SCN11A: variants seen among roughly 807,000 people sequenced by gnomAD.
SCN11A encodes the protein sodium voltage-gated channel alpha subunit 11, also known as sodium channel protein type 11 subunit alpha.
Under a neutral mutation model 162.2 loss-of-function variants are expected in SCN11A, and 122 were observed. The ratio of observed to expected loss-of-function variants is 0.75; its 90% CI spans 0.65 to 0.87. SCN11A has a LOEUF of 0.87. SCN11A is among the 40% of genes least tolerant of loss of function. The pLI is 0.00. For synonymous variants in SCN11A, 758 were observed against 751.5 expected (o/e 1.01, Z -0.14); for missense variants, 2,015 against 2,181.6 (o/e 0.92, Z 1.52).
chr3:38,872,153 C>T, intron 24 of SCN11A, 40 bp downstream of exon 24: 1 of 1,174,876 alleles, frequency 8.5e-7, no homozygotes, highest in Non-Finnish European at 1.3e-6. Context: ...CCACCTTTCT[C>T]TGTTAACTGA....
chr3:38,965,525 T>C (rs989750448), intron 2 of SCN11A, among the ~76,000 whole-genome samples: 5 of 152,120 alleles, frequency 3.3e-5, no homozygotes, highest in African/African-American at 9.7e-5. Context: ...TGGTAAGCTG[T>C]CCCTATCCTG....
chr3:38,871,837 T>C (rs1465431705), intron 24 of SCN11A, 129 bp from the exon 25 acceptor site: 2 of 754,266 alleles, frequency 2.7e-6, no homozygotes, highest in Non-Finnish European at 4.3e-6. Context: ...TCCACATACA[T>C]GTGCCCCATC....
At chr3:38,909,428 T>C (rs1473483488) in intron 12 of SCN11A, among the ~76,000 whole-genome samples, 1 of 152,152 alleles carries the variant, frequency 6.6e-6, no homozygotes, top group Non-Finnish European at 1.5e-5. Context: ...GACTTTACTA[T>C]CTATAACTCT....
At chr3:38,965,692 T>C (rs943136868) in intron 2 of SCN11A, among the ~76,000 whole-genome samples, 9 of 152,210 alleles carry the variant, frequency 5.9e-5, no homozygotes, top group Admixed American at 3.9e-4. Flanking sequence ...CTGTGAAGCC[T>C]TTCTTTTTCT....
intron 1 of SCN11A, among the ~76,000 whole-genome samples, chr3:39,040,343 T>C (rs2032018126): frequency 6.6e-6 from 1 of 152,186 alleles, no homozygotes; most frequent in African/African-American, 2.4e-5. Flanking sequence ...AAGCACCTTA[T>C]GCAATCAACA....
chr3:39,036,376 C>T (rs1050947528), intron 1 of SCN11A, among the ~76,000 whole-genome samples: 1 of 151,890 alleles, frequency 6.6e-6, no homozygotes, highest in African/African-American at 2.4e-5. Flanking sequence ...AACTCCTGGC[C>T]TCAAGTGATC....
intron 2 of SCN11A, among the ~76,000 whole-genome samples, chr3:38,982,742 G>A (rs1575346437): frequency 6.6e-6 from 1 of 152,150 alleles, no homozygotes; most frequent in South Asian, 2.1e-4. Flanking sequence ...CTCAAGGATG[G>A]GGTGGGGGTC....
chr3:39,048,316 T>C (rs1392328484), intron 1 of SCN11A, among the ~76,000 whole-genome samples: 6 of 152,130 alleles, frequency 3.9e-5, no homozygotes, highest in Admixed American at 1.3e-4. Flanking sequence ...GAGAAATAAG[T>C]TGATCTCAGA....
intron 2 of SCN11A, among the ~76,000 whole-genome samples, chr3:39,010,264 T>C (rs1231396484): frequency 6.6e-6 from 1 of 151,942 alleles, no homozygotes; most frequent in Non-Finnish European, 1.5e-5. Context: ...AAGAGGGAGA[T>C]GGCATTTTCC....
In SCN11A at chr3:38,928,047, C is replaced by T. The variant is rs572009511; in HGVS notation, c.489-1116G>A. On this transcript the variant is annotated intron_variant, in intron 7 of 29. Coordinates refer to ENST00000302328, the MANE Select transcript of SCN11A (RefSeq NM_001349253.2). Reference sequence around the variant, plus strand: ...GACTATGGAATAGTCTTGGCAATGTCCTTGGAAAAAGGACAGTCTTTTCAA... The same window carrying T: ...GACTATGGAATAGTCTTGGCAATGTTCTTGGAAAAAGGACAGTCTTTTCAA... Among the ~76,000 whole-genome samples the T allele has an allele frequency of 3.8e-4, 58 of 152,162 alleles. 2 individuals carry two copies. In the South Asian group the frequency reaches 0.012, roughly 31 times the overall value.
At chr3:38,981,537 T>TTG (rs10578149) in intron 2 of SCN11A, among the ~76,000 whole-genome samples, 19,525 of 145,814 alleles carry the variant, frequency 0.13, 1,308 homozygotes, top group East Asian at 0.2. Context: ...GTGTGTGTGT[T>TTG]TGTGTGTGTG....
chr3:38,926,696 C>T (rs566337045), intron 8 of SCN11A, 107 bp downstream of exon 8: 93 of 1,150,878 alleles, frequency 8.1e-5, no homozygotes, highest in Non-Finnish European at 1.1e-4. Context: ...CTAGGCATTA[C>T]TAGGCCATAC....
At position 38,921,154 on chromosome 3, in the gene SCN11A, GA is replaced by G; in HGVS notation, c.813del (p.Gln272SerfsTer8). ...TTCAGACTTCCCATGAAGAGCTGCT[GA>G]CCTACCAGGGCAAAGATGCTGAGGC... ...FFCLSIFALV[G>X]QQLFMGSLNL... On this transcript the variant is annotated frameshift_variant, in exon 10 of 30. Coordinates refer to ENST00000302328, the MANE Select transcript of SCN11A (RefSeq NM_001349253.2). LOFTEE classifies it high-confidence loss of function. The G allele has an allele frequency of 1.2e-6, 2 of 1,614,070 alleles. No homozygotes were observed.
intron 2 of SCN11A, among the ~76,000 whole-genome samples, chr3:38,979,425 A>G (rs1368100094): frequency 6.6e-6 from 1 of 152,214 alleles, no homozygotes; most frequent in East Asian, 1.9e-4. Flanking sequence ...TATGGTGCTC[A>G]CAAGTTTTGA....
At chr3:39,024,430 A>G (rs1289632667) in intron 2 of SCN11A, among the ~76,000 whole-genome samples, 1 of 152,200 alleles carries the variant, frequency 6.6e-6, no homozygotes, top group Non-Finnish European at 1.5e-5. Flanking sequence ...ATCAGAGAAC[A>G]TCTTTATGGC....
chr3:38,949,954 G>A lies in SCN11A; in HGVS notation c.267+142C>T, dbSNP rs535619994. On this transcript the variant is annotated intron_variant, in intron 5 of 29. Transcript: ENST00000302328. ...GGGTTTTCAGGACTATCAAGGCAATGCCAGGGGATGACAGCAAAGAAGAGG... is the reference window on the plus strand; with the variant it reads ...GGGTTTTCAGGACTATCAAGGCAATACCAGGGGATGACAGCAAAGAAGAGG... 1.1e-4 allele frequency: 71 copies of A among 617,510 alleles called. 1 individual carries two copies. The East Asian group carries it at 1.6e-3, about 14-fold the overall frequency. The allele number at this position is 617,510 out of a possible 1,614,324, so 38.3% of individuals were successfully genotyped here.
At chr3:38,866,036 G>T (rs1332352800) in intron 27 of SCN11A, among the ~76,000 whole-genome samples, 2 of 152,006 alleles carry the variant, frequency 1.3e-5, no homozygotes, top group Non-Finnish European at 2.9e-5. Context: ...GTAATTCTAG[G>T]AATTTATGCT....
chr3:39,027,847 C>G (rs2031630177), intron 2 of SCN11A, among the ~76,000 whole-genome samples: 1 of 152,196 alleles, frequency 6.6e-6, no homozygotes, highest in South Asian at 2.1e-4. Flanking sequence ...CTCTGTGACC[C>G]AGCTTCAAGT....
chr3:39,039,902 C>T (rs1009144929), intron 1 of SCN11A, among the ~76,000 whole-genome samples: 2 of 152,192 alleles, frequency 1.3e-5, no homozygotes, highest in African/African-American at 4.8e-5. Flanking sequence ...AGCAACCCTG[C>T]CCCATCCAGT....
Sources: gnomAD v4.1 joint callset for allele counts (sites outside exome capture counted in the v4.1 genomes callset) on GRCh38, gnomAD v4.1.1 for gene constraint, MANE v1.5 for transcripts, NCBI Gene and HGNC (gene_info 2026-07-23, HGNC 2026-07-21) for gene names.